The following RNF2 variants were observed in gnomAD, a reference collection of about 807,000 sequenced individuals.
RNF2 encodes the protein E3 ubiquitin-protein ligase RING2.
A neutral mutation model predicts 37.2 loss-of-function variants in RNF2; 6 were observed. The observed-to-expected ratio is 0.16, with a 90% CI of 0.09 to 0.32. The LOEUF is 0.32. RNF2 is among the 10% of genes least tolerant of loss of function. The pLI, the probability that RNF2 is intolerant of heterozygous loss-of-function variation, is 1.00. For missense variants in RNF2, 251 were observed against 404.0 expected (o/e 0.62, Z 3.25); for synonymous variants, 133 against 132.7 (o/e 1.00, Z -0.02).
chr1:185,076,492 G>A (rs1408503229), intron 1 of RNF2, among the ~76,000 whole-genome samples: 4 of 150,186 alleles, frequency 2.7e-5, no homozygotes, highest in South Asian at 2.1e-4. Flanking sequence ...GGATTTTACC[G>A]TGTTAGCCAG....
At chr1:185,083,152 G>T (rs1028668813) in intron 1 of RNF2, among the ~76,000 whole-genome samples, 1 of 151,980 alleles carries the variant, frequency 6.6e-6, no homozygotes, top group Non-Finnish European at 1.5e-5. Context: ...TTATTTTTCT[G>T]CTTGCTTTAT....
At chr1:185,069,514 G>GGGCTGAGCTATGAGTTCACA (rs1436111247) in intron 1 of RNF2, among the ~76,000 whole-genome samples, 2 of 151,500 alleles carry the variant, frequency 1.3e-5, no homozygotes. Context: ...ATTTATCTAA[G>GGGCTGAGCTATGAGTTCACA]GGCTGAGCTA....
At chr1:185,098,578 T>A (rs1651981316) in intron 5 of RNF2, among the ~76,000 whole-genome samples, 1 of 152,088 alleles carries the variant, frequency 6.6e-6, no homozygotes, top group South Asian at 2.1e-4. Flanking sequence ...AGGGGCCTAT[T>A]CAAATTTCTC....
chr1:185,097,089 G>A (rs754939999), intron 4 of RNF2, among the ~76,000 whole-genome samples: 2 of 152,056 alleles, frequency 1.3e-5, no homozygotes, highest in African/African-American at 2.4e-5. Context: ...TATAACTGGA[G>A]GCAAATTATT....
At chr1:185,053,691 A>T (rs1441414389) in intron 1 of RNF2, among the ~76,000 whole-genome samples, 2 of 152,004 alleles carry the variant, frequency 1.3e-5, no homozygotes, top group Non-Finnish European at 2.9e-5. Flanking sequence ...CTCTCCCATT[A>T]CTAGAAGGCA....
intron 1 of RNF2, among the ~76,000 whole-genome samples, chr1:185,061,344 G>A (rs1273878640): frequency 6.6e-6 from 1 of 151,452 alleles, no homozygotes; most frequent in African/African-American, 2.4e-5. Flanking sequence ...AGCCAGGATG[G>A]TCTCAAGACC....
intron 1 of RNF2, among the ~76,000 whole-genome samples, chr1:185,055,210 G>A (rs975072443): frequency 2.0e-5 from 3 of 152,034 alleles, no homozygotes; most frequent in African/African-American, 7.2e-5. Context: ...TTATTTTTCC[G>A]GATTTTCTAA....
intron 1 of RNF2, among the ~76,000 whole-genome samples, chr1:185,063,542 T>C (rs1038453634): frequency 1.3e-5 from 2 of 152,242 alleles, no homozygotes; most frequent in African/African-American, 4.8e-5. Context: ...TCTTACCATC[T>C]TCTGGTAATT....
chr1:185,056,872 AAGT>A (rs370498977), intron 1 of RNF2, among the ~76,000 whole-genome samples: 2 of 152,322 alleles, frequency 1.3e-5, no homozygotes, highest in African/African-American at 2.4e-5. Flanking sequence ...GAAATTGAAG[AAGT>A]AGGAAAAAAT....
intron 1 of RNF2, among the ~76,000 whole-genome samples, chr1:185,046,701 A>T (rs1354221666): frequency 6.6e-6 from 1 of 152,202 alleles, no homozygotes; most frequent in Non-Finnish European, 1.5e-5. Flanking sequence ...TTTTAGTAAT[A>T]CGCTGTTTTT....
intron 1 of RNF2, among the ~76,000 whole-genome samples, chr1:185,068,759 T>C (rs1571304640): frequency 2.0e-5 from 3 of 152,222 alleles, no homozygotes; most frequent in East Asian, 1.9e-4. Context: ...AAAACTAATA[T>C]AGCAATCATT....
chr1:185,051,899 C>T (rs1198071200), intron 1 of RNF2, among the ~76,000 whole-genome samples: 2 of 146,958 alleles, frequency 1.4e-5, no homozygotes, highest in South Asian at 2.1e-4. Flanking sequence ...TGTAAAAAGT[C>T]GTATTTGTAT....
intron 1 of RNF2, among the ~76,000 whole-genome samples, chr1:185,076,268 G>GTTTTTTTTTGTTT: frequency 3.7e-5 from 1 of 27,348 alleles, no homozygotes; most frequent in African/African-American, 1.3e-4. Context: ...TTTATGGGTT[G>GTTTTTTTTTGTTT]TTTTTTTTTT....
At chr1:185,076,308 T>TTTTTTTTTTTTTTTTTTG (rs1431777673) in intron 1 of RNF2, among the ~76,000 whole-genome samples, 1 of 113,244 alleles carries the variant, frequency 8.8e-6, no homozygotes, top group Non-Finnish European at 1.7e-5. Flanking sequence ...TTTTTTTTTT[T>TTTTTTTTTTTTTTTTTTG]GAGACAGAGT....
At chr1:185,074,941 C>T (rs549712470) in intron 1 of RNF2, among the ~76,000 whole-genome samples, 82 of 152,024 alleles carry the variant, frequency 5.4e-4, no homozygotes, top group Non-Finnish European at 1.0e-3. Context: ...TGTCCTGGAA[C>T]CAATCCCCCT....
intron 1 of RNF2, among the ~76,000 whole-genome samples, chr1:185,073,238 A>G (rs1371811866): frequency 6.6e-6 from 1 of 152,090 alleles, no homozygotes; most frequent in Non-Finnish European, 1.5e-5. Context: ...ATTCTTATGC[A>G]TATGCTTATT....
rs117237809 is a variant in RNF2, at chr1:185,081,823, C to G, written c.-2-5729C>G. Among the ~76,000 whole-genome samples, 121 of 152,246 alleles carry G rather than the reference C, an allele frequency of 7.9e-4. 2 individuals are homozygous for G. The East Asian group carries it at 0.021, about 26-fold the overall frequency. On this transcript the variant is annotated intron_variant, in intron 1 of 6. Coordinates refer to ENST00000367510, the MANE Select transcript of RNF2 (RefSeq NM_007212.4). ...GCCGTGGGCATTGCAGTTTTCGGTG[C>G]ATCTCGATTTGCTGAGCATATTTCT...
At chr1:185,096,597 T>G (rs1651918706) in intron 4 of RNF2, among the ~76,000 whole-genome samples, 2 of 152,146 alleles carry the variant, frequency 1.3e-5, no homozygotes, top group South Asian at 4.1e-4. Context: ...TGTTATTTAT[T>G]TCTCTTTTTA....
At chr1:185,069,964 A>G (rs1206990794) in intron 1 of RNF2, among the ~76,000 whole-genome samples, 2 of 152,232 alleles carry the variant, frequency 1.3e-5, no homozygotes, top group African/African-American at 2.4e-5. Flanking sequence ...CTTATGAGGC[A>G]CATTAACCAA....
Sources: allele counts gnomAD v4.1 joint callset (sites outside exome capture counted in the v4.1 genomes callset), GRCh38; gene constraint gnomAD v4.1.1; transcripts MANE v1.5; gene names NCBI Gene and HGNC (gene_info 2026-07-23, HGNC 2026-07-21).